SLIT3: variants seen among roughly 807,000 people sequenced by gnomAD.
SLIT3 encodes the protein slit homolog 3 protein.
A neutral mutation model predicts 184.0 loss-of-function variants in SLIT3; 68 were observed. The observed-to-expected ratio is 0.37, with a 90% CI of 0.30 to 0.45. The LOEUF (loss-of-function observed/expected upper bound fraction) is 0.45, where lower values mean the gene tolerates loss of function less well. Among genes scored for constraint, SLIT3 ranks in the 20% least tolerant of loss-of-function variants. SLIT3 has a pLI of 1.00. For synonymous variants in SLIT3, 831 were observed against 828.6 expected, an observed-to-expected ratio of 1.00 and a Z score of -0.05; for missense variants, 1,707 against 2,026.0, an observed-to-expected ratio of 0.84 and a Z score of 3.02.
At chr5:168,719,207 A>C (rs1028834832) in intron 23 of SLIT3, among the ~76,000 whole-genome samples, 1 of 152,136 alleles carries the variant, frequency 6.6e-6, no homozygotes, top group African/African-American at 2.4e-5. Context: ...ACACATCACT[A>C]TGCCCGGCTA....
rs753831355 is a variant in SLIT3, at chr5:169,084,475, T to G, written c.413+109004A>C. Among the ~76,000 whole-genome samples the G allele has an allele frequency of 5.7e-4, 83 of 146,594 alleles. 1 individual carries two copies. The highest frequency in any genetic ancestry group is 4.3e-3 in the East Asian group (21 of 4,842). On this transcript the variant is annotated intron_variant, in intron 4 of 35. Coordinates refer to ENST00000519560, the MANE Select transcript of SLIT3 (RefSeq NM_003062.4). The stretch of plus-strand genomic sequence containing the variant: ...CCAGATTTTTTTTTTTTTTTTTTTT[T>G]TTTGTTTCTGGTATTTAGTAGAGAC...
At position 168,687,038 on chromosome 5, in the gene SLIT3, G is replaced by T; in HGVS notation, c.3255C>A (p.His1085Gln). 6.2e-7 allele frequency: 1 copy of T among 1,614,276 alleles called. No homozygotes were observed. The highest frequency in any genetic ancestry group is 8.5e-7 in the Non-Finnish European group (1 of 1,180,056). Reference protein sequence around the residue: ...NDDCVAHKCRHGAQCVDTING... With the variant: ...NDDCVAHKCRQGAQCVDTING... ...TGATTGTGTCCACGCACTGGGCCCC[G>T]TGGCGGCACTTGTGGGCCACACAGT... The change falls in exon 30 of 36, where the codon CAC (histidine) becomes CAA (glutamine). Residue 1085 changes from histidine to glutamine, a missense_variant. Physicochemically the swap from His to Gln is conservative, Grantham distance 24 (BLOSUM62 0). This residue lies in a region of SLIT3 where 1,307 missense variants were observed against 1,511.6 expected (regional missense o/e 0.86). Coordinates refer to ENST00000519560, the MANE Select transcript of SLIT3 (RefSeq NM_003062.4).
At chr5:168,796,595 G>A (rs1756572087) in intron 9 of SLIT3, among the ~76,000 whole-genome samples, 1 of 152,154 alleles carries the variant, frequency 6.6e-6, no homozygotes, top group Admixed American at 6.5e-5. Flanking sequence ...TGTGTGGCAG[G>A]GGACGTAGTG....
chr5:168,928,893 G>A (rs2113154048), intron 4 of SLIT3, among the ~76,000 whole-genome samples: 1 of 152,344 alleles, frequency 6.6e-6, no homozygotes, highest in South Asian at 2.1e-4. Context: ...CACCTCTGCT[G>A]AAAGTCCCTG....
chr5:168,883,374 C>T, intron 4 of SLIT3, 38 bp from the exon 5 acceptor site: 1 of 1,498,062 alleles, frequency 6.7e-7, no homozygotes, highest in Non-Finnish European at 9.3e-7. Flanking sequence ...CATTAAAGAC[C>T]CAGGCTGTCT....
chr5:169,244,929 A>C (rs1765537066), intron 2 of SLIT3, among the ~76,000 whole-genome samples, 153 bp from the exon 3 acceptor site: 1 of 152,206 alleles, frequency 6.6e-6, no homozygotes, highest in African/African-American at 2.4e-5. Flanking sequence ...AAGATAACTC[A>C]TATCCCAGCT....
chr5:168,724,571 G>T, intron 20 of SLIT3, 87 bp from the exon 21 acceptor site: 1 of 1,055,424 alleles, frequency 9.5e-7, no homozygotes, highest in Non-Finnish European at 1.4e-6. Context: ...GACTTTCCAG[G>T]CTGGATTAGG....
intron 11 of SLIT3, among the ~76,000 whole-genome samples, chr5:168,786,442 T>C (rs1047214764): frequency 1.1e-4 from 17 of 152,228 alleles, no homozygotes; most frequent in Admixed American, 7.2e-4. Flanking sequence ...TAATCATCCA[T>C]CTAGACAGGG....
chr5:168,791,276 G>T (rs1756357402), intron 10 of SLIT3: 1 of 152,242 alleles, frequency 6.6e-6, no homozygotes, highest in Non-Finnish European at 1.5e-5. Flanking sequence ...AGGAAGCTAT[G>T]TGGCCAGCAC....
intron 4 of SLIT3, among the ~76,000 whole-genome samples, chr5:169,041,828 C>CTTCTGTTAGACAAGACCCTA (rs1757457624): frequency 2.6e-5 from 4 of 152,180 alleles, no homozygotes; most frequent in Admixed American, 2.6e-4. Flanking sequence ...GTACTTTCCA[C>CTTCTGTTAGACAAGACCCTA]TTCTGTTAGA....
chr5:168,689,903 C>G (rs77033014), intron 29 of SLIT3, among the ~76,000 whole-genome samples: 111 of 152,330 alleles, frequency 7.3e-4, no homozygotes, highest in African/African-American at 2.6e-3. Context: ...TAACATTGAG[C>G]TGGCCTGTAG....
intron 9 of SLIT3, 87 bp from the exon 10 acceptor site, chr5:168,795,665 G>A: frequency 9.3e-7 from 1 of 1,071,658 alleles, no homozygotes; most frequent in Non-Finnish European, 1.5e-6. Flanking sequence ...TGGCCTTAAG[G>A]ACAGGGAGGT....
At chr5:169,204,121 G>A (rs554825680) in intron 3 of SLIT3, among the ~76,000 whole-genome samples, 1 of 152,118 alleles carries the variant, frequency 6.6e-6, no homozygotes, top group Non-Finnish European at 1.5e-5. Context: ...ACAGCCCCCA[G>A]TGTGGTGGGG....
At chr5:168,947,138 T>TACACAC (rs141683153) in intron 4 of SLIT3, among the ~76,000 whole-genome samples, 34 of 152,116 alleles carry the variant, frequency 2.2e-4, no homozygotes, top group African/African-American at 8.2e-4. Context: ...AATTAGATCC[T>TACACAC]ACACACACAC....
At chr5:169,258,597 A>G (rs1300163183) in intron 1 of SLIT3, among the ~76,000 whole-genome samples, 1 of 152,210 alleles carries the variant, frequency 6.6e-6, no homozygotes, top group Non-Finnish European at 1.5e-5. Flanking sequence ...GTTTTTCCCC[A>G]TCCCAATCAG....
chr5:169,252,195 G>A (rs1008619757), intron 1 of SLIT3, among the ~76,000 whole-genome samples: 1 of 152,188 alleles, frequency 6.6e-6, no homozygotes, highest in African/African-American at 2.4e-5. Flanking sequence ...CAAACTCCCT[G>A]AGGGCAAAGG....
chr5:169,163,522 G>A (rs1336975739), intron 4 of SLIT3, among the ~76,000 whole-genome samples: 3 of 152,172 alleles, frequency 2.0e-5, no homozygotes, highest in Non-Finnish European at 4.4e-5. Flanking sequence ...AATGAGGGCT[G>A]TGGACATCAT....
intron 3 of SLIT3, among the ~76,000 whole-genome samples, chr5:169,196,701 G>C (rs1358037242): frequency 1.3e-5 from 2 of 152,192 alleles, no homozygotes; most frequent in Non-Finnish European, 2.9e-5. Flanking sequence ...CAGAGCTCTA[G>C]TTCTGAACCA....
At chr5:169,049,531 A>G (rs534494229) in intron 4 of SLIT3, among the ~76,000 whole-genome samples, 16 of 152,362 alleles carry the variant, frequency 1.1e-4, no homozygotes, top group African/African-American at 3.6e-4. Context: ...GCAGTGGAGA[A>G]CTGGAAAGAA....
Sources: allele counts gnomAD v4.1 joint callset (sites outside exome capture counted in the v4.1 genomes callset), GRCh38; gene constraint gnomAD v4.1.1; regional missense constraint gnomAD v4.1.1; transcripts MANE v1.5; gene names NCBI Gene and HGNC (gene_info 2026-07-23, HGNC 2026-07-21).